The following DIAPH3 variants were observed in gnomAD, a reference collection of about 807,000 sequenced individuals.
The protein encoded by DIAPH3 is diaphanous related formin 3.
DIAPH3 carries 117 observed loss-of-function variants against 144.3 expected under a neutral mutation model. That is an observed-to-expected ratio of 0.81 (90% CI 0.70 to 0.95). The LOEUF is 0.95. Among genes scored for constraint, DIAPH3 ranks in the 40% least tolerant of loss-of-function variants. The pLI, the probability that DIAPH3 is intolerant of heterozygous loss-of-function variation, is 0.00. For missense variants in DIAPH3, 1,421 were observed against 1,412.7 expected, an observed-to-expected ratio of 1.01 and a Z score of -0.09; for synonymous variants, 519 against 488.9, an observed-to-expected ratio of 1.06 and a Z score of -0.81.
At chr13:60,092,546 G>C (rs1566762170) in intron 4 of DIAPH3, among the ~76,000 whole-genome samples, 3 of 152,148 alleles carry the variant, frequency 2.0e-5, no homozygotes, top group Non-Finnish European at 2.9e-5. Context: ...AGCTACTCCG[G>C]AGGCTGAGAC....
chr13:59,909,964 T>C (rs114851990), intron 20 of DIAPH3, among the ~76,000 whole-genome samples: 15 of 152,312 alleles, frequency 9.8e-5, no homozygotes, highest in African/African-American at 2.4e-4. Context: ...TTTAAGTAAA[T>C]TGAAAATATC....
chr13:60,022,989 T>G lies in DIAPH3; in HGVS notation c.627-6844A>C, dbSNP rs566940808. ...CATTGGTTTGTAAGTTTGAGGGTTTTGGTTTTGTTTTGTTCTATCTTGGTA... is the reference window on the plus strand; with the variant it reads ...CATTGGTTTGTAAGTTTGAGGGTTTGGGTTTTGTTTTGTTCTATCTTGGTA... On this transcript the variant is annotated intron_variant, in intron 5 of 27. Transcript: ENST00000400324. Among the ~76,000 whole-genome samples, 40 of 152,312 alleles carry G rather than the reference T, an allele frequency of 2.6e-4. No homozygotes were observed. The East Asian group carries it at 7.3e-3, about 28-fold the overall frequency.
At chr13:59,870,798 G>A (rs950301147) in intron 21 of DIAPH3, among the ~76,000 whole-genome samples, 1 of 151,734 alleles carries the variant, frequency 6.6e-6, no homozygotes, top group African/African-American at 2.4e-5. Flanking sequence ...AGCCTCCCTA[G>A]TAGCTGGGAT....
In DIAPH3 at chr13:59,886,604, T is replaced by C. The variant is rs1393777646; in HGVS notation, c.2368-7136A>G. Among the ~76,000 whole-genome samples the C allele has an allele frequency of 7.9e-5, 12 of 152,070 alleles. 1 individual carries two copies. The highest frequency in any genetic ancestry group is 7.9e-4 in the Admixed American group (12 of 15,246). On this transcript the variant is annotated intron_variant, in intron 20 of 27. Coordinates refer to ENST00000400324, the MANE Select transcript of DIAPH3 (RefSeq NM_001042517.2). ...TCTTCCAGTCTATAAGCATAATAAATACCATTTCTTTACAACTTCTTTCAT... is the reference window on the plus strand; with the variant it reads ...TCTTCCAGTCTATAAGCATAATAAACACCATTTCTTTACAACTTCTTTCAT...
At chr13:59,944,796 G>GT (rs1025420790) in intron 17 of DIAPH3, among the ~76,000 whole-genome samples, 28 of 148,800 alleles carry the variant, frequency 1.9e-4, no homozygotes, top group African/African-American at 6.6e-4. Flanking sequence ...AGAAAAAAAG[G>GT]GGGGGGGCTA....
chr13:59,742,444 C>T (rs2036502324), intron 27 of DIAPH3, among the ~76,000 whole-genome samples: 1 of 152,098 alleles, frequency 6.6e-6, no homozygotes, highest in Non-Finnish European at 1.5e-5. Context: ...TGTCTCTGTG[C>T]ATCCTTCTGG....
chr13:59,979,916 C>T (rs2050893453), intron 14 of DIAPH3, among the ~76,000 whole-genome samples: 1 of 151,536 alleles, frequency 6.6e-6, no homozygotes, highest in Non-Finnish European at 1.5e-5. Context: ...ATTTAAAATG[C>T]AAAGAATTGG....
At chr13:59,888,260 A>G (rs2140107906) in intron 20 of DIAPH3, among the ~76,000 whole-genome samples, 1 of 152,192 alleles carries the variant, frequency 6.6e-6, no homozygotes, top group East Asian at 1.9e-4. Context: ...TCCCTCCACC[A>G]TCTCAGAACA....
At chr13:59,803,628 T>C (rs925051804) in intron 25 of DIAPH3, among the ~76,000 whole-genome samples, 1 of 152,190 alleles carries the variant, frequency 6.6e-6, no homozygotes, top group Non-Finnish European at 1.5e-5. Context: ...TAAGTTATGT[T>C]GGAAGTCTGA....
intron 20 of DIAPH3, among the ~76,000 whole-genome samples, chr13:59,886,431 G>A (rs1318929936): frequency 1.3e-5 from 2 of 151,926 alleles, no homozygotes; most frequent in Non-Finnish European, 2.9e-5. Flanking sequence ...TTTAAAATTG[G>A]TTTTCTATAT....
chr13:59,882,141 TGCAGTG>T (rs1253829637), intron 20 of DIAPH3, among the ~76,000 whole-genome samples: 1 of 152,114 alleles, frequency 6.6e-6, no homozygotes, highest in Non-Finnish European at 1.5e-5. Context: ...CAGGCTGGAG[TGCAGTG>T]GCACAATCTC....
intron 27 of DIAPH3, among the ~76,000 whole-genome samples, chr13:59,714,315 C>A (rs550363721): frequency 7.0e-6 from 1 of 141,938 alleles, no homozygotes; most frequent in South Asian, 2.3e-4. Flanking sequence ...AGCCGAGATC[C>A]CGCCACTGCA....
intron 5 of DIAPH3, among the ~76,000 whole-genome samples, chr13:60,031,732 CTTTTTT>C (rs1165739891): frequency 7.7e-5 from 5 of 64,680 alleles, no homozygotes; most frequent in African/African-American, 1.3e-4. Flanking sequence ...GTCATTAAAT[CTTTTTT>C]TTTTTTTTTT....
At chr13:59,736,183 A>T (rs942456652) in intron 27 of DIAPH3, among the ~76,000 whole-genome samples, 1 of 152,070 alleles carries the variant, frequency 6.6e-6, no homozygotes, top group Admixed American at 6.5e-5. Context: ...TGTTTATCCA[A>T]TCTATCATTG....
intron 25 of DIAPH3, among the ~76,000 whole-genome samples, chr13:59,782,850 C>G (rs2038810339): frequency 6.6e-6 from 1 of 152,070 alleles, no homozygotes; most frequent in African/African-American, 2.4e-5. Flanking sequence ...CAAGACCCAG[C>G]TAAAGCTGTC....
chr13:59,925,741 T>G (rs1466975969), intron 17 of DIAPH3, among the ~76,000 whole-genome samples: 5 of 152,178 alleles, frequency 3.3e-5, no homozygotes, highest in African/African-American at 4.8e-5. Context: ...TTCCTATTCT[T>G]TCTGATTTAA....
intron 4 of DIAPH3, among the ~76,000 whole-genome samples, chr13:60,078,837 G>A (rs991065221): frequency 6.6e-6 from 1 of 151,818 alleles, no homozygotes; most frequent in African/African-American, 2.4e-5. Context: ...AATGGGGTGA[G>A]AGACCTAAAA....
intron 24 of DIAPH3, among the ~76,000 whole-genome samples, chr13:59,829,456 T>A (rs1566376375): frequency 6.6e-6 from 1 of 151,884 alleles, no homozygotes; most frequent in Non-Finnish European, 1.5e-5. Context: ...AGCTATGTAA[T>A]GATAGGCAAG....
chr13:59,858,278 A>G (rs1431679365), intron 22 of DIAPH3, among the ~76,000 whole-genome samples: 1 of 152,076 alleles, frequency 6.6e-6, no homozygotes, highest in Admixed American at 6.6e-5. Flanking sequence ...AGTAAAGGAA[A>G]TTGACCATAG....
Sources: gnomAD v4.1 joint callset for allele counts (sites outside exome capture counted in the v4.1 genomes callset) on GRCh38, gnomAD v4.1.1 for gene constraint, MANE v1.5 for transcripts, NCBI Gene and HGNC (gene_info 2026-07-23, HGNC 2026-07-21) for gene names.